Variants in DOC2B observed in about 807,000 individuals in gnomAD.
The protein encoded by DOC2B is double C2 domain beta, also known as double C2-like domain-containing protein beta.
DOC2B carries 21 observed loss-of-function variants against 28.9 expected under a neutral mutation model. That is an observed-to-expected ratio of 0.73 (90% CI 0.52 to 1.05). The LOEUF (loss-of-function observed/expected upper bound fraction) is 1.05. DOC2B is among the 50% of genes least tolerant of loss of function. The probability of loss-of-function intolerance (pLI) is 0.00; values close to 1 mark genes in which losing one functional copy is unlikely to be tolerated. For synonymous variants in DOC2B, 194 were observed against 178.1 expected (o/e 1.09, Z -0.71); for missense variants, 384 against 421.1 (o/e 0.91, Z 0.77).
chr17:156,979 C>T (rs1011054563), intron 5 of DOC2B, among the ~76,000 whole-genome samples: 4 of 152,186 alleles, frequency 2.6e-5, no homozygotes, highest in South Asian at 2.1e-4. Context: ...CCATTAACAC[C>T]GTGTTGTTGG....
rs1251918653 is a variant in DOC2B, at chr17:173,449, C to T, written c.374-833G>A. Among the ~76,000 whole-genome samples the T allele has an allele frequency of 1.4e-4, 21 of 152,214 alleles. 1 individual carries two copies. The highest frequency in any genetic ancestry group is 1.4e-3 in the Admixed American group (21 of 15,278). On this transcript the variant is annotated intron_variant, in intron 1 of 8. Transcript: ENST00000613549. ...CACAGATGGCTTCAGAAGCCCAGAG[C>T]CTGCTCCCAGGCTGCAGGGCTGGTC...
intron 1 of DOC2B, among the ~76,000 whole-genome samples, chr17:176,167 T>C (rs953189197): frequency 1.5e-4 from 23 of 151,748 alleles, no homozygotes; most frequent in African/African-American, 3.6e-4. Context: ...ATCCTGATAG[T>C]TTCTCCCTTA....
intron 5 of DOC2B, among the ~76,000 whole-genome samples, chr17:159,203 G>A (rs1390892856): frequency 8.1e-5 from 12 of 148,964 alleles, no homozygotes; most frequent in South Asian, 2.2e-4. Context: ...AAAACCTACC[G>A]CCAGAGGCCT....
In DOC2B at chr17:173,666, C is replaced by T. The variant is rs531232355; in HGVS notation, c.374-1050G>A. 7.2e-5 allele frequency among the ~76,000 whole-genome samples: 11 copies of T among 152,244 alleles called. 1 individual carries two copies. In the East Asian group the frequency reaches 1.9e-3, roughly 27 times the overall value. On this transcript the variant is annotated intron_variant, in intron 1 of 8. Transcript: ENST00000613549. ...GGGGAGCCCATGTGAATTGGGACCA[C>T]CAGGGAAGGCTTCCTGGAGGAGGTG...
Position 154,879 on chromosome 17 carries a change from G to A in DOC2B, c.923+1341C>T, listed in dbSNP as rs565867228. ...CAAGTAGCTGCGATTACAGGCGCCC[G>A]CCACCACACCCAGCTAATTTTTTTA... On this transcript the variant is annotated intron_variant, in intron 6 of 8. Coordinates refer to ENST00000613549, the MANE Select transcript of DOC2B (RefSeq NM_003585.5). 2.4e-4 allele frequency among the ~76,000 whole-genome samples: 36 copies of A among 152,038 alleles called. 2 individuals carry two copies. In the South Asian group the frequency reaches 6.6e-3, roughly 28 times the overall value.
chr17:154,366 C>T (rs1264988155), intron 6 of DOC2B, among the ~76,000 whole-genome samples: 2 of 150,496 alleles, frequency 1.3e-5, no homozygotes, highest in East Asian at 1.9e-4. Context: ...TGATATTCCA[C>T]GCACCTGCTA....
chr17:160,644 T>A (rs2040190402), intron 5 of DOC2B, among the ~76,000 whole-genome samples: 1 of 152,050 alleles, frequency 6.6e-6, no homozygotes, highest in African/African-American at 2.4e-5. Context: ...GGCCCCAGGA[T>A]TTCTCTTGAC....
rs375149461 is a variant in DOC2B, at chr17:156,203, G to A, written c.923+17C>T. On this transcript the variant is annotated intron_variant, in intron 6 of 8. Transcript: ENST00000613549. The stretch of plus-strand genomic sequence containing the variant: ...AGGTGAAGACGTGGCAGGTGGTCAC[G>A]CGCACGGCACACTCACGTTTTCACG... 4.4e-3 allele frequency: 6,746 copies of A among 1,540,054 alleles called. 19 individuals carry two copies. Among genetic ancestry groups the A allele is most frequent in the Non-Finnish European group, 5.4e-3 (6,177 of 1,140,178 alleles).
intron 3 of DOC2B, among the ~76,000 whole-genome samples, chr17:162,760 T>A (rs190892409): frequency 5.3e-5 from 8 of 152,350 alleles, no homozygotes; most frequent in Admixed American, 5.2e-4. Flanking sequence ...TCCAGCCCGA[T>A]GCCACGGGGT....
chr17:181,544 C>A lies in DOC2B; in HGVS notation c.-65G>T. 1.1e-6 allele frequency: 1 copy of A among 908,332 alleles called. No individual in the cohort carries two copies. The highest frequency in any genetic ancestry group is 1.3e-6 in the Non-Finnish European group (1 of 762,922). 56.3% of individuals were successfully genotyped at this position (908,332 alleles called of 1,614,324 possible). On this transcript the variant is annotated 5_prime_UTR_variant, in exon 1 of 9. The change abolishes the stop of an existing upstream ORF in the 5' untranslated region. Transcript: ENST00000613549. This position sits in a 1 kb window ranked among gnomAD's most constrained non-coding sequence, Gnocchi z 7.0. ...GCGCGACCCCGGCCCGGGGGCGGCT[C>A]AGCAGGCCCGGCGGGGCGCGGCGGG...
intron 5 of DOC2B, among the ~76,000 whole-genome samples, chr17:157,441 G>T (rs752260305): frequency 1.3e-5 from 2 of 152,162 alleles, no homozygotes; most frequent in African/African-American, 2.4e-5. Flanking sequence ...CAGCCTCTAA[G>T]TTCCTTGAAG....
In DOC2B at chr17:149,172, T is replaced by A; in HGVS notation, c.944A>T (p.Asp315Val). The A allele has an allele frequency of 2.5e-6, 1 of 400,124 alleles. No individual in the cohort carries two copies. The highest frequency in any genetic ancestry group is 4.4e-6 in the Non-Finnish European group (1 of 226,474). 24.8% of individuals were successfully genotyped at this position (400,124 alleles called of 1,614,324 possible). The change falls in exon 7 of 9, where the codon GAC becomes GTC. Residue 315 changes from aspartate to valine, a missense_variant. Coordinates refer to ENST00000613549, the MANE Select transcript of DOC2B (RefSeq NM_003585.5). ...YVKTYLRPDV[D>V]KKSKHKTAVK... is the part of the protein sequence containing the mutation. Reference sequence around the variant, plus strand: ...CGCTGTCTTATGTTTGGATTTCTTGTCCACATCTGGCCTCAGGTATCTGGA... The same window carrying A: ...CGCTGTCTTATGTTTGGATTTCTTGACCACATCTGGCCTCAGGTATCTGGA...
At position 169,202 on chromosome 17, in the gene DOC2B, C is replaced by T. The variant is rs151259729; in HGVS notation, c.453+3335G>A. Reference sequence around the variant, plus strand: ...GGGGATGAAGCCTGAAGACATTCTGCGGAGTGAAAGAAGGCAGACTCAAAA... The same window carrying T: ...GGGGATGAAGCCTGAAGACATTCTGTGGAGTGAAAGAAGGCAGACTCAAAA... On this transcript the variant is annotated intron_variant, in intron 2 of 8. Coordinates refer to ENST00000613549, the MANE Select transcript of DOC2B (RefSeq NM_003585.5). Among the ~76,000 whole-genome samples, 32 of 152,080 alleles carry T rather than the reference C, an allele frequency of 2.1e-4. No homozygotes were observed. The East Asian group carries it at 2.3e-3, about 11-fold the overall frequency.
At chr17:172,699 G>T in intron 1 of DOC2B, 83 bp from the exon 2 acceptor site, 1 of 1,169,932 alleles carries the variant, frequency 8.5e-7, no homozygotes, top group Non-Finnish European at 1.2e-6. Flanking sequence ...AGATGAGCCT[G>T]GCCTGGGCAG....
Position 181,159 on chromosome 17 carries a change from G to A in DOC2B, c.321C>T (p.Ala107=), listed in dbSNP as rs2040437703. 2 of 1,253,438 alleles carry A rather than the reference G, an allele frequency of 1.6e-6. No homozygotes were observed. Among genetic ancestry groups the A allele is most frequent in the East Asian group, 3.2e-5 (1 of 31,312 alleles). The allele number at this position is 1,253,438 out of a possible 1,614,324, so 77.6% of individuals were successfully genotyped here. The change falls in exon 1 of 9, where the codon GCC becomes GCT. Residue 107 remains alanine, a synonymous_variant. Transcript: ENST00000613549. This position sits in a 1 kb window ranked among gnomAD's most constrained non-coding sequence, Gnocchi z 7.0. ...SPGPSPARPP[A]KPPEDEPDAD... Reference sequence around the variant, plus strand: ...CGTCCGGCTCGTCCTCCGGCGGCTTGGCTGGCGGCCGCGCGGGGCTGGGAC... The same window carrying A: ...CGTCCGGCTCGTCCTCCGGCGGCTTAGCTGGCGGCCGCGCGGGGCTGGGAC...
chr17:154,578 T>C (rs1423358114), intron 6 of DOC2B, among the ~76,000 whole-genome samples: 1 of 152,244 alleles, frequency 6.6e-6, no homozygotes, highest in East Asian at 1.9e-4. Flanking sequence ...TGAACATTCC[T>C]GCACAAGTTT....
chr17:154,418 CCTT>C (rs1476512386), intron 6 of DOC2B, among the ~76,000 whole-genome samples: 2 of 151,298 alleles, frequency 1.3e-5, no homozygotes, highest in Non-Finnish European at 3.0e-5. Context: ...CTGCTACACT[CCTT>C]CTTATGACTG....
intron 5 of DOC2B, 65 bp downstream of exon 5, chr17:161,350 G>A: frequency 2.0e-6 from 3 of 1,500,268 alleles, no homozygotes; most frequent in South Asian, 2.4e-5. Flanking sequence ...CAGGCAGGAA[G>A]TTCTGCCTTC....
rs1448094292 is a variant in DOC2B at position 146,555 on chromosome 17, G to A, written c.*886C>T. ...ACACCTTCCTAACAAACCCTCCCCTGGAGAGGAGACCCTGGGTCCACAGCA... is the reference window on the plus strand; with the variant it reads ...ACACCTTCCTAACAAACCCTCCCCTAGAGAGGAGACCCTGGGTCCACAGCA... On this transcript the variant is annotated 3_prime_UTR_variant, in exon 9 of 9. Coordinates refer to ENST00000613549, the MANE Select transcript of DOC2B (RefSeq NM_003585.5). 6.6e-6 allele frequency: 1 copy of A among 152,144 alleles called. No homozygotes were observed. The highest frequency in any genetic ancestry group is 1.9e-4 in the East Asian group (1 of 5,166). The allele number at this position is 152,144 out of a possible 1,614,324, so 9.4% of individuals were successfully genotyped here.
Sources: allele counts gnomAD v4.1 joint callset (sites outside exome capture counted in the v4.1 genomes callset), GRCh38; gene constraint gnomAD v4.1.1; non-coding constraint Gnocchi (gnomAD v3.1); transcripts MANE v1.5; gene names NCBI Gene and HGNC (gene_info 2026-07-23, HGNC 2026-07-21).